SUCLG2: variants seen among roughly 807,000 people sequenced by gnomAD.
SUCLG2 encodes the protein succinate-CoA ligase GDP-forming subunit beta, also known as succinate--CoA ligase [GDP-forming] subunit beta, mitochondrial.
A neutral mutation model predicts 47.9 loss-of-function variants in SUCLG2; 42 were observed. The ratio of observed to expected loss-of-function variants is 0.88; its 90% CI spans 0.69 to 1.14. The LOEUF (loss-of-function observed/expected upper bound fraction) is 1.14, where lower values mean the gene tolerates loss of function less well. Ranked by LOEUF, SUCLG2 falls within the 50% of genes most tolerant of loss-of-function variation. The pLI is 0.00. For missense variants in SUCLG2, 571 were observed against 525.9 expected (o/e 1.09, Z -0.84); for synonymous variants, 195 against 197.3 (o/e 0.99, Z 0.10).
chr3:67,426,277 G>C (rs1703299474), intron 9 of SUCLG2, among the ~76,000 whole-genome samples: 1 of 152,106 alleles, frequency 6.6e-6, no homozygotes, highest in African/African-American at 2.4e-5. Flanking sequence ...ATTAAGGTTG[G>C]TTTGTACAAT....
At chr3:67,570,472 T>C (rs1032131267) in intron 2 of SUCLG2, among the ~76,000 whole-genome samples, 3 of 152,214 alleles carry the variant, frequency 2.0e-5, no homozygotes, top group South Asian at 2.1e-4. Flanking sequence ...TATGGGAATA[T>C]GTTAGTCTTG....
At chr3:67,431,741 G>C (rs1329542172) in intron 9 of SUCLG2, among the ~76,000 whole-genome samples, 1 of 151,586 alleles carries the variant, frequency 6.6e-6, no homozygotes, top group Non-Finnish European at 1.5e-5. Flanking sequence ...CATGTCGTGG[G>C]GTGGCGGGAG....
chr3:67,396,645 A>T (rs1432571089), intron 10 of SUCLG2, among the ~76,000 whole-genome samples: 1 of 152,164 alleles, frequency 6.6e-6, no homozygotes, highest in Non-Finnish European at 1.5e-5. Context: ...CAATAGAAAA[A>T]GAGGGAATCC....
intron 9 of SUCLG2, among the ~76,000 whole-genome samples, chr3:67,458,339 G>T (rs927669760): frequency 6.6e-6 from 1 of 152,116 alleles, no homozygotes; most frequent in East Asian, 1.9e-4. Context: ...CTAAGAAATA[G>T]GCACTAATAA....
intron 1 of SUCLG2, among the ~76,000 whole-genome samples, chr3:67,618,568 C>A (rs1047481947): frequency 5.3e-5 from 8 of 152,242 alleles, no homozygotes; most frequent in African/African-American, 1.7e-4. Context: ...GAGAGAGTCA[C>A]GATTTGAATC....
intron 9 of SUCLG2, among the ~76,000 whole-genome samples, chr3:67,477,755 C>A (rs1206484641): frequency 6.6e-6 from 1 of 152,126 alleles, no homozygotes; most frequent in African/African-American, 2.4e-5. Context: ...ACACTGTATG[C>A]TCCATACAAT....
At position 67,498,236 on chromosome 3, in the gene SUCLG2, T is replaced by C. The variant is rs1354646516; in HGVS notation, c.817A>G (p.Ile273Val). The C allele has an allele frequency of 1.1e-5, 17 of 1,613,824 alleles. No individual in the cohort carries two copies. Among genetic ancestry groups the C allele is most frequent in the Non-Finnish European group, 1.4e-5 (17 of 1,179,890 alleles). Reference protein sequence around the residue: ...DDNAEFRQKDIFAMDDKSENE... With the variant: ...DDNAEFRQKDVFAMDDKSENE... ...TCTGATTTGTCGTCCATAGCAAATA[T>C]GTCTTTTTGTCGGAATTCTGCGTTG... Residue 273 changes from isoleucine (I) to valine (V), a missense_variant, in exon 8 of 11, where the codon ATA becomes GTA. Coordinates refer to ENST00000307227, the MANE Select transcript of SUCLG2 (RefSeq NM_003848.4).
At chr3:67,595,051 T>C (rs1708263569) in intron 2 of SUCLG2, among the ~76,000 whole-genome samples, 1 of 152,292 alleles carries the variant, frequency 6.6e-6, no homozygotes, top group African/African-American at 2.4e-5. Flanking sequence ...ATTTGTTTGG[T>C]GTGGTATGAA....
chr3:67,653,878 T>C (rs1432267370), intron 1 of SUCLG2, among the ~76,000 whole-genome samples: 4 of 152,364 alleles, frequency 2.6e-5, no homozygotes, highest in East Asian at 1.9e-4. Flanking sequence ...AAGGAGGACA[T>C]GGACAGGGTC....
intron 10 of SUCLG2, among the ~76,000 whole-genome samples, chr3:67,391,431 G>A: frequency 6.6e-6 from 1 of 152,118 alleles, no homozygotes; most frequent in African/African-American, 2.4e-5. Flanking sequence ...TGGTCTGCTG[G>A]AGGAGAGAAA....
chr3:67,570,790 T>C (rs1403320911), intron 2 of SUCLG2, among the ~76,000 whole-genome samples: 1 of 152,152 alleles, frequency 6.6e-6, no homozygotes, highest in East Asian at 1.9e-4. Context: ...AGAATCCTCC[T>C]AAACTCCAAC....
intron 1 of SUCLG2, among the ~76,000 whole-genome samples, chr3:67,611,887 C>G (rs569702231): frequency 1.4e-4 from 21 of 152,286 alleles, no homozygotes; most frequent in African/African-American, 5.1e-4. Flanking sequence ...GTCTGTTGCT[C>G]TTAAATTGAA....
intron 1 of SUCLG2, among the ~76,000 whole-genome samples, chr3:67,629,464 G>C (rs1170499735): frequency 6.6e-6 from 1 of 152,100 alleles, no homozygotes; most frequent in Non-Finnish European, 1.5e-5. Flanking sequence ...CTCAGAAATG[G>C]CCAAATGGAA....
intron 9 of SUCLG2, among the ~76,000 whole-genome samples, chr3:67,423,540 A>G (rs1290616575): frequency 6.6e-6 from 1 of 152,124 alleles, no homozygotes; most frequent in African/African-American, 2.4e-5. Context: ...AACTTCATTT[A>G]GGCTCTTTCT....
At chr3:67,414,282 ATC>A (rs1702989281) in intron 9 of SUCLG2, among the ~76,000 whole-genome samples, 1 of 152,200 alleles carries the variant, frequency 6.6e-6, no homozygotes, top group African/African-American at 2.4e-5. Context: ...GAAGACTGTA[ATC>A]TCTGCCTTGG....
intron 9 of SUCLG2, among the ~76,000 whole-genome samples, chr3:67,416,264 T>C (rs906447242): frequency 6.6e-6 from 1 of 152,224 alleles, no homozygotes. Flanking sequence ...GCTCTTTCAA[T>C]AAAATATTTT....
intron 2 of SUCLG2, among the ~76,000 whole-genome samples, chr3:67,582,274 A>G (rs1707899890): frequency 6.6e-6 from 1 of 151,972 alleles, no homozygotes; most frequent in Admixed American, 6.6e-5. Flanking sequence ...CCTACCCTCC[A>G]TTTTCAAGTA....
At chr3:67,506,869 A>T (rs1705651509) in intron 7 of SUCLG2, among the ~76,000 whole-genome samples, 1 of 152,224 alleles carries the variant, frequency 6.6e-6, no homozygotes, top group Admixed American at 6.5e-5. Flanking sequence ...CGTGAAAGCA[A>T]ATAAGTAGTT....
chr3:67,620,566 C>A (rs1180177982), intron 1 of SUCLG2, among the ~76,000 whole-genome samples: 13 of 108,346 alleles, frequency 1.2e-4, no homozygotes, highest in Non-Finnish European at 2.0e-4. Context: ...GCCTGGGTGA[C>A]ACAGTGAGAC....
Sources: gnomAD v4.1 joint callset for allele counts (sites outside exome capture counted in the v4.1 genomes callset) on GRCh38, gnomAD v4.1.1 for gene constraint, MANE v1.5 for transcripts, NCBI Gene and HGNC (gene_info 2026-07-23, HGNC 2026-07-21) for gene names.